Variants in RBMS3 observed in about 807,000 individuals in gnomAD.
RBMS3 encodes the protein RNA binding motif single stranded interacting protein 3, also known as RNA-binding motif, single-stranded-interacting protein 3.
In RBMS3, 27 loss-of-function variants were observed where a neutral mutation model predicts 66.8. That is an observed-to-expected ratio of 0.40 (90% CI 0.30 to 0.56). The LOEUF is 0.56. Ranked by LOEUF, RBMS3 falls within the 20% of genes least tolerant of loss-of-function variation. RBMS3 has a pLI of 0.40. For synonymous variants in RBMS3, 188 were observed against 183.0 expected (o/e 1.03, Z -0.22); for missense variants, 513 against 549.5 (o/e 0.93, Z 0.66).
At chr3:29,799,849 G>A (rs6808875) in intron 6 of RBMS3, among the ~76,000 whole-genome samples, 28,836 of 151,992 alleles carry the variant, frequency 0.19, 3,006 homozygotes, top group African/African-American at 0.28. Flanking sequence ...TGGTATAAAG[G>A]CATCTCCACA....
intron 6 of RBMS3, among the ~76,000 whole-genome samples, chr3:29,821,512 G>A (rs1446308494): frequency 6.6e-6 from 1 of 152,074 alleles, no homozygotes; most frequent in Non-Finnish European, 1.5e-5. Flanking sequence ...ACAAGCATAG[G>A]CTTATAAAGA....
At chr3:29,558,373 G>A (rs545044635) in intron 3 of RBMS3, among the ~76,000 whole-genome samples, 25 of 152,208 alleles carry the variant, frequency 1.6e-4, no homozygotes, top group Non-Finnish European at 2.8e-4. Context: ...CAGATTACAG[G>A]GGCTGACCAT....
At chr3:29,515,608 CACTGACTTAA>C (rs2044590835) in intron 3 of RBMS3, among the ~76,000 whole-genome samples, 1 of 152,104 alleles carries the variant, frequency 6.6e-6, no homozygotes, top group Non-Finnish European at 1.5e-5. Context: ...AATGACTAAA[CACTGACTTAA>C]ACTGTTTTTC....
chr3:29,755,194 T>G (rs1192001708), intron 5 of RBMS3, among the ~76,000 whole-genome samples: 2 of 152,220 alleles, frequency 1.3e-5, no homozygotes, highest in Non-Finnish European at 2.9e-5. Context: ...TTTATGAAAA[T>G]TCCTTCTAGA....
chr3:29,936,600 C>T (rs2061271091), intron 11 of RBMS3, among the ~76,000 whole-genome samples: 2 of 152,052 alleles, frequency 1.3e-5, no homozygotes, highest in Non-Finnish European at 2.9e-5. Context: ...ACTGAGGGGC[C>T]AGATCTATGA....
intron 4 of RBMS3, among the ~76,000 whole-genome samples, chr3:29,670,197 A>G (rs917801727): frequency 3.3e-5 from 5 of 152,148 alleles, no homozygotes; most frequent in East Asian, 1.9e-4. Context: ...CCCAAAATTC[A>G]TGTGTTCCTT....
chr3:29,632,931 C>T (rs1004339485), intron 4 of RBMS3, among the ~76,000 whole-genome samples: 5 of 151,698 alleles, frequency 3.3e-5, no homozygotes, highest in African/African-American at 9.7e-5. Flanking sequence ...GAAATGTTTT[C>T]GTTTTTATTC....
chr3:29,391,057 C>T, intron 1 of RBMS3: 1 of 381,170 alleles, frequency 2.6e-6, no homozygotes, highest in Non-Finnish European at 5.7e-6. Flanking sequence ...TTGTGCTGAA[C>T]AGCAAATCAA....
At chr3:29,358,952 A>G (rs1160455151) in intron 1 of RBMS3, among the ~76,000 whole-genome samples, 1 of 152,180 alleles carries the variant, frequency 6.6e-6, no homozygotes, top group Non-Finnish European at 1.5e-5. Flanking sequence ...TTGGGCTGAG[A>G]TGATGGGGTT....
At chr3:29,335,800 T>G (rs1032070833) in intron 1 of RBMS3, among the ~76,000 whole-genome samples, 3 of 152,194 alleles carry the variant, frequency 2.0e-5, no homozygotes, top group African/African-American at 7.2e-5. Flanking sequence ...GTGAAATTTG[T>G]GAAGATATCT....
chr3:29,821,779 A>G (rs1003023266), intron 6 of RBMS3, among the ~76,000 whole-genome samples: 6 of 152,172 alleles, frequency 3.9e-5, no homozygotes, highest in Admixed American at 3.9e-4. Flanking sequence ...TTTTGATATC[A>G]GAGTACCAGA....
chr3:29,674,203 G>A (rs140236296), intron 4 of RBMS3, among the ~76,000 whole-genome samples: 3,778 of 152,154 alleles, frequency 0.025, 81 homozygotes, highest in Non-Finnish European at 0.04. Flanking sequence ...AAATTCAACA[G>A]CCCTTCATGC....
intron 10 of RBMS3, chr3:29,903,370 GA>G (rs2060301434): frequency 6.6e-6 from 1 of 151,820 alleles, no homozygotes; most frequent in Non-Finnish European, 1.5e-5. Flanking sequence ...CCTTTTTTCT[GA>G]GAAGTAAAAA....
intron 4 of RBMS3, among the ~76,000 whole-genome samples, chr3:29,653,601 C>T (rs543408083): frequency 2.0e-5 from 3 of 152,152 alleles, no homozygotes; most frequent in East Asian, 1.9e-4. Flanking sequence ...GGTAACTGTT[C>T]TTGTGTCTAA....
intron 3 of RBMS3, among the ~76,000 whole-genome samples, chr3:29,509,229 C>T (rs114256689): frequency 6.7e-4 from 102 of 152,112 alleles, no homozygotes; most frequent in African/African-American, 2.4e-3. Context: ...TGGCTCTGGT[C>T]AATTCTTATC....
chr3:29,796,446 AG>A (rs2057190612), intron 6 of RBMS3, among the ~76,000 whole-genome samples: 1 of 152,218 alleles, frequency 6.6e-6, no homozygotes, highest in South Asian at 2.1e-4. Flanking sequence ...AATGGCATCT[AG>A]AATGATGAAT....
intron 4 of RBMS3, among the ~76,000 whole-genome samples, chr3:29,595,527 G>C (rs1341109693): frequency 1.3e-5 from 2 of 152,138 alleles, no homozygotes; most frequent in East Asian, 3.9e-4. Flanking sequence ...TGGATGTACT[G>C]TTGAGAAAAC....
chr3:29,935,629 G>A (rs541060676), intron 10 of RBMS3, among the ~76,000 whole-genome samples: 1 of 152,184 alleles, frequency 6.6e-6, no homozygotes, highest in South Asian at 2.1e-4. Context: ...ATCCCTCTTA[G>A]TGGTAGATTG....
intron 4 of RBMS3, among the ~76,000 whole-genome samples, chr3:29,589,117 A>G (rs1330198028): frequency 6.6e-6 from 1 of 152,098 alleles, no homozygotes; most frequent in Non-Finnish European, 1.5e-5. Context: ...GTAACAGGAA[A>G]AGAAAGTTGA....
Sources: allele counts gnomAD v4.1 joint callset (sites outside exome capture counted in the v4.1 genomes callset), GRCh38; gene constraint gnomAD v4.1.1; transcripts MANE v1.5; gene names NCBI Gene and HGNC (gene_info 2026-07-23, HGNC 2026-07-21).